MTCL1: variants seen among roughly 807,000 people sequenced by gnomAD.
The protein encoded by MTCL1 is microtubule crosslinking factor 1.
In MTCL1, 79 loss-of-function variants were observed where a neutral mutation model predicts 141.4. The observed-to-expected ratio is 0.56, with a 90% CI of 0.47 to 0.67. MTCL1 has a LOEUF of 0.67. Ranked by LOEUF, MTCL1 falls within the 30% of genes least tolerant of loss-of-function variation. The probability of loss-of-function intolerance (pLI) is 0.00; values close to 1 mark genes in which losing one functional copy is unlikely to be tolerated. For missense variants in MTCL1, 2,177 were observed against 2,113.9 expected (o/e 1.03, Z -0.59); for synonymous variants, 914 against 875.8 (o/e 1.04, Z -0.77).
intron 4 of MTCL1, among the ~76,000 whole-genome samples, chr18:8,739,847 T>C (rs1257312560): frequency 2.0e-5 from 3 of 152,224 alleles, no homozygotes; most frequent in Admixed American, 1.3e-4. Flanking sequence ...TCCTCCTGCC[T>C]CAGCCTCCCG....
At chr18:8,808,187 G>C (rs111508862) in intron 11 of MTCL1, among the ~76,000 whole-genome samples, 1 of 152,132 alleles carries the variant, frequency 6.6e-6, no homozygotes, top group Admixed American at 6.5e-5. Context: ...CCTGCTGCCC[G>C]CGGGGGATTT....
intron 4 of MTCL1, among the ~76,000 whole-genome samples, chr18:8,766,318 C>T (rs2149028294): frequency 6.6e-6 from 1 of 151,804 alleles, no homozygotes. Flanking sequence ...CCGAGCTCCC[C>T]ACTAGGTGAA....
chr18:8,738,465 C>G (rs1292762173), intron 4 of MTCL1, among the ~76,000 whole-genome samples: 3 of 152,100 alleles, frequency 2.0e-5, no homozygotes, highest in Non-Finnish European at 4.4e-5. Context: ...AGGTGGTGCT[C>G]TTTCATATTT....
At chr18:8,717,813 G>GTGGA (rs1324992515) in intron 1 of MTCL1, 14 of 771,812 alleles carry the variant, frequency 1.8e-5, no homozygotes, top group Non-Finnish European at 2.2e-5. Context: ...ACAGCAAAGA[G>GTGGA]TGGAGGTGTG....
At chr18:8,726,600 A>G (rs1815306455) in intron 4 of MTCL1, among the ~76,000 whole-genome samples, 1 of 151,880 alleles carries the variant, frequency 6.6e-6, no homozygotes, top group Admixed American at 6.6e-5. Flanking sequence ...TATTAACCCC[A>G]TCATGGGGCC....
At chr18:8,710,875 C>CTTTTTTTTTTTTATTTTTTTTTTTTTTTT (rs1221391279) in intron 1 of MTCL1, among the ~76,000 whole-genome samples, 1 of 41,800 alleles carries the variant, frequency 2.4e-5, no homozygotes, top group Non-Finnish European at 5.0e-5. Context: ...TTTCTTTTTT[C>CTTTTTTTTTTTTATTTTTTTTTTTTTTTT]TTTTTTTTTT....
At chr18:8,783,618 A>C (rs772691767) in exon 6 of MTCL1, 1 of 1,613,636 alleles carries the variant, frequency 6.2e-7, no homozygotes, top group Non-Finnish European at 8.5e-7. Context: ...CTAGGAAGGG[A>C]GAAGGACGAG....
At chr18:8,774,453 CTT>C (rs1555648670) in intron 4 of MTCL1, among the ~76,000 whole-genome samples, 1 of 71,970 alleles carries the variant, frequency 1.4e-5, no homozygotes, top group Non-Finnish European at 2.7e-5. Context: ...GTCTTTCTTT[CTT>C]TTCTTTCTTT....
exon 6 of MTCL1, chr18:8,784,049 C>T (rs1568024995): frequency 6.2e-7 from 1 of 1,613,474 alleles, no homozygotes; most frequent in Non-Finnish European, 8.5e-7. Flanking sequence ...TAAGTTTGAG[C>T]CTCCCCGGGA....
At chr18:8,760,242 T>G (rs2096424396) in intron 4 of MTCL1, among the ~76,000 whole-genome samples, 1 of 152,172 alleles carries the variant, frequency 6.6e-6, no homozygotes, top group African/African-American at 2.4e-5. Flanking sequence ...GGTCTCAGGC[T>G]GTGAGGAAGG....
At chr18:8,770,943 CATAA>C (rs957665887) in intron 4 of MTCL1, among the ~76,000 whole-genome samples, 3 of 151,716 alleles carry the variant, frequency 2.0e-5, no homozygotes, top group Admixed American at 6.6e-5. Context: ...TAGGTGAAAA[CATAA>C]ATAAATAAAT....
At chr18:8,796,902 T>C (rs1004358503) in intron 9 of MTCL1, among the ~76,000 whole-genome samples, 19 of 152,224 alleles carry the variant, frequency 1.2e-4, no homozygotes, top group African/African-American at 3.6e-4. Flanking sequence ...TACATATTCA[T>C]GGGATACAAT....
At chr18:8,798,128 G>A in exon 10 of MTCL1, 7 of 1,591,694 alleles carry the variant, frequency 4.4e-6, no homozygotes, top group Non-Finnish European at 6.0e-6. Flanking sequence ...TCCAGGCTCG[G>A]GGAGCTTGGA....
chr18:8,818,920 C>A, intron 12 of MTCL1, 43 bp from the exon 12 acceptor site: 1 of 1,569,280 alleles, frequency 6.4e-7, no homozygotes, highest in South Asian at 1.2e-5. Flanking sequence ...GACCATCAGA[C>A]AGAAAAGTGA....
At chr18:8,733,115 G>C (rs565438926) in intron 4 of MTCL1, among the ~76,000 whole-genome samples, 4 of 152,312 alleles carry the variant, frequency 2.6e-5, no homozygotes, top group Non-Finnish European at 5.9e-5. Flanking sequence ...TCCTGGCAGG[G>C]GGGAGGAAGG....
chr18:8,776,761 A>G (rs2096511512), intron 4 of MTCL1, among the ~76,000 whole-genome samples: 3 of 133,772 alleles, frequency 2.2e-5, no homozygotes. Context: ...TTATTTATTT[A>G]TTTATTTATT....
intron 8 of MTCL1, among the ~76,000 whole-genome samples, chr18:8,794,557 C>T (rs545520708): frequency 1.3e-5 from 2 of 152,264 alleles, no homozygotes; most frequent in Non-Finnish European, 2.9e-5. Context: ...CACAGCCAGG[C>T]GGGGAAGGGT....
intron 4 of MTCL1, among the ~76,000 whole-genome samples, chr18:8,774,633 G>A (rs915843385): frequency 6.6e-6 from 1 of 152,054 alleles, no homozygotes. Flanking sequence ...GATTACAGGC[G>A]TAAGCCACGA....
At chr18:8,823,392 C>G (rs1410477551) in intron 14 of MTCL1, among the ~76,000 whole-genome samples, 1 of 152,162 alleles carries the variant, frequency 6.6e-6, no homozygotes, top group Non-Finnish European at 1.5e-5. Flanking sequence ...TGAGCTATGT[C>G]CACAGAAATG....
Sources: allele counts gnomAD v4.1 joint callset (sites outside exome capture counted in the v4.1 genomes callset), GRCh38; gene constraint gnomAD v4.1.1; transcripts MANE v1.5; gene names NCBI Gene and HGNC (gene_info 2026-07-23, HGNC 2026-07-21).